Variants in KCNQ5 observed in about 807,000 individuals in gnomAD.
KCNQ5 encodes potassium voltage-gated channel subfamily KQT member 5.
In KCNQ5, 30 loss-of-function variants were observed where a neutral mutation model predicts 98.2. The ratio of observed to expected loss-of-function variants is 0.31; its 90% CI spans 0.23 to 0.41. KCNQ5 has a LOEUF of 0.41. Ranked by LOEUF, KCNQ5 falls within the 10% of genes least tolerant of loss-of-function variation. The probability of loss-of-function intolerance (pLI) is 1.00; values close to 1 mark genes in which losing one functional copy is unlikely to be tolerated. For synonymous variants in KCNQ5, 458 were observed against 449.4 expected, an observed-to-expected ratio of 1.02 and a Z score of -0.24; for missense variants, 835 against 1,182.5, an observed-to-expected ratio of 0.71 and a Z score of 4.31.
chr6:73,080,013 T>A (rs1287555153), intron 5 of KCNQ5, among the ~76,000 whole-genome samples: 1 of 152,210 alleles, frequency 6.6e-6, no homozygotes, highest in African/African-American at 2.4e-5. Context: ...TGTTGGTGAG[T>A]TTAGCCTGGG....
intron 1 of KCNQ5, among the ~76,000 whole-genome samples, chr6:72,934,196 T>C (rs1765803580): frequency 6.6e-6 from 1 of 152,232 alleles, no homozygotes; most frequent in Non-Finnish European, 1.5e-5. Flanking sequence ...GCAGATAATC[T>C]GCTGAACATA....
intron 1 of KCNQ5, among the ~76,000 whole-genome samples, chr6:72,895,163 C>T (rs1484129929): frequency 6.7e-6 from 1 of 150,188 alleles, no homozygotes; most frequent in Non-Finnish European, 1.5e-5. Context: ...GTGGCGGGCG[C>T]CTGTAGTCCC....
chr6:73,134,145 G>T (rs1008082091), intron 10 of KCNQ5: 1 of 300,434 alleles, frequency 3.3e-6, no homozygotes, highest in Non-Finnish European at 6.7e-6. Flanking sequence ...TCCTTAGAGA[G>T]GTTCCTGTTG....
Position 73,190,599 on chromosome 6 carries a change from G to T in KCNQ5, c.1604G>T (p.Arg535Leu). 2 of 1,520,230 alleles carry T rather than the reference G, an allele frequency of 1.3e-6. No individual in the cohort carries two copies. The highest frequency in any genetic ancestry group is 1.3e-5 in the South Asian group (1 of 78,768). 94.2% of individuals were successfully genotyped at this position (1,520,230 alleles called of 1,614,324 possible). ...ATTATGAAATTTCATGTTGCAAAACGGAAGTTTAAGGAAACATTACGTCCA... is the reference window on the plus strand; with the variant it reads ...ATTATGAAATTTCATGTTGCAAAACTGAAGTTTAAGGAAACATTACGTCCA... ...IRIMKFHVAK[R>L]KFKETLRPYD... The change falls in exon 12 of 14, where the codon CGG (arginine) becomes CTG (leucine). Residue 535 changes from arginine (R) to leucine (L), a missense_variant. Arg to Leu is a moderately radical substitution (Grantham distance 102, BLOSUM62 -2). Coordinates refer to ENST00000370398, the MANE Select transcript of KCNQ5 (RefSeq NM_019842.4).
chr6:73,126,654 G>A (rs1194795013), intron 9 of KCNQ5, among the ~76,000 whole-genome samples: 1 of 152,048 alleles, frequency 6.6e-6, no homozygotes, highest in Non-Finnish European at 1.5e-5. Flanking sequence ...GTGGGTTGAT[G>A]ACTTAGAGAA....
chr6:72,967,728 C>A (rs1759157580), intron 1 of KCNQ5: 1 of 154,744 alleles, frequency 6.5e-6, no homozygotes, highest in African/African-American at 2.4e-5. Flanking sequence ...ATGTGGCATA[C>A]TAAAATCTTC....
At chr6:73,106,701 G>T (rs886442983) in intron 6 of KCNQ5, among the ~76,000 whole-genome samples, 2 of 152,182 alleles carry the variant, frequency 1.3e-5, no homozygotes, top group African/African-American at 4.8e-5. Flanking sequence ...TTCAAACAAG[G>T]TCACATTCTG....
intron 1 of KCNQ5, among the ~76,000 whole-genome samples, chr6:72,877,319 G>A (rs1031689959): frequency 6.6e-6 from 1 of 152,016 alleles, no homozygotes; most frequent in South Asian, 2.1e-4. Context: ...GTAGTATTTG[G>A]TTTTCTGTTC....
rs561051085 is a variant in KCNQ5 at position 73,137,113 on chromosome 6, AT to A, written c.1468+3473del. On this transcript the variant is annotated intron_variant, in intron 10 of 13. Transcript: ENST00000370398. ...AGATAGTATAATAGAGAAAAAAAAA[AT>A]ATTCAGGGTTAATCTGTAAATTTTA... Among the ~76,000 whole-genome samples, 35 of 151,934 alleles carry A rather than the reference AT, an allele frequency of 2.3e-4. 1 individual carries two copies. The South Asian group carries it at 5.6e-3, about 24-fold the overall frequency.
intron 9 of KCNQ5, among the ~76,000 whole-genome samples, chr6:73,126,802 T>C (rs1351665067): frequency 1.3e-5 from 2 of 152,134 alleles, no homozygotes. Context: ...TGTCCTATCT[T>C]CCAACTAGCT....
At chr6:72,967,451 A>C (rs1163701774) in intron 1 of KCNQ5, among the ~76,000 whole-genome samples, 1 of 152,214 alleles carries the variant, frequency 6.6e-6, no homozygotes, top group Non-Finnish European at 1.5e-5. Flanking sequence ...AAGTTTGGGC[A>C]TATATTAGTT....
At chr6:72,629,772 C>T (rs573887665) in intron 1 of KCNQ5, among the ~76,000 whole-genome samples, 2 of 152,280 alleles carry the variant, frequency 1.3e-5, no homozygotes, top group African/African-American at 4.8e-5. Context: ...TATGTGTTTT[C>T]ATTTTAATTT....
In KCNQ5 at chr6:72,963,567, A is replaced by C. The variant is rs569983912; in HGVS notation, c.399-40341A>C. ...TTAGCAAATAAATATACATTGCTTA[A>C]ATGATAGTATAATAGAAAACATTCA... is the stretch of plus-strand genomic sequence containing the variant. On this transcript the variant is annotated intron_variant, in intron 1 of 13. Transcript: ENST00000370398. Among the ~76,000 whole-genome samples the C allele has an allele frequency of 5.9e-5, 9 of 152,324 alleles. No homozygotes were observed. In the East Asian group the frequency reaches 1.7e-3, roughly 29 times the overall value.
At chr6:72,981,370 T>A (rs1316274766) in intron 1 of KCNQ5, among the ~76,000 whole-genome samples, 2 of 152,236 alleles carry the variant, frequency 1.3e-5, no homozygotes, top group African/African-American at 4.8e-5. Context: ...TTCAACTTCT[T>A]CCTGGTTTAG....
chr6:72,828,259 G>A, intron 1 of KCNQ5, among the ~76,000 whole-genome samples: 1 of 151,992 alleles, frequency 6.6e-6, no homozygotes, highest in East Asian at 1.9e-4. Context: ...TTCTATTTCT[G>A]TGAATAATGT....
At chr6:72,935,429 T>A (rs577769246) in intron 1 of KCNQ5, among the ~76,000 whole-genome samples, 1 of 152,238 alleles carries the variant, frequency 6.6e-6, no homozygotes, top group African/African-American at 2.4e-5. Context: ...AATCACATAA[T>A]CATGCTGACT....
At chr6:72,888,275 C>A (rs9446781) in intron 1 of KCNQ5, among the ~76,000 whole-genome samples, 3,956 of 152,020 alleles carry the variant, frequency 0.026, 180 homozygotes, top group African/African-American at 0.09. Context: ...CTCAAAGATG[C>A]GGAAGTTGGC....
At chr6:73,013,909 A>G (rs991479087) in intron 2 of KCNQ5, among the ~76,000 whole-genome samples, 3 of 152,168 alleles carry the variant, frequency 2.0e-5, no homozygotes, top group South Asian at 4.1e-4. Context: ...ACAAATGGGT[A>G]TATCAATTCA....
chr6:73,171,712 C>T (rs12662303), intron 11 of KCNQ5, among the ~76,000 whole-genome samples: 4,346 of 152,250 alleles, frequency 0.029, 98 homozygotes, highest in East Asian at 0.1. Context: ...TTTTATTGAA[C>T]ATTACTGGTC....
Sources: gnomAD v4.1 joint callset for allele counts (sites outside exome capture counted in the v4.1 genomes callset) on GRCh38, gnomAD v4.1.1 for gene constraint, MANE v1.5 for transcripts, NCBI Gene and HGNC (gene_info 2026-07-23, HGNC 2026-07-21) for gene names.